Variants in TBX5 observed in about 807,000 individuals in gnomAD.
The protein encoded by TBX5 is T-box transcription factor 5, also known as T-box transcription factor TBX5.
A neutral mutation model predicts 51.1 loss-of-function variants in TBX5; 8 were observed. That is an observed-to-expected ratio of 0.16 (90% CI 0.09 to 0.28). The LOEUF is 0.28. TBX5 is among the 10% of genes least tolerant of loss of function. The pLI is 1.00. For missense variants in TBX5, 589 were observed against 671.7 expected (o/e 0.88, Z 1.36); for synonymous variants, 302 against 266.4 (o/e 1.13, Z -1.30).
chr12:114,394,695 A>T, intron 6 of TBX5, 46 bp downstream of exon 6: 1 of 1,613,416 alleles, frequency 6.2e-7, no homozygotes, highest in Non-Finnish European at 8.5e-7. Flanking sequence ...CATGCAAAAG[A>T]AAGAGCAGAC....
chr12:114,368,329 T>A (rs1869670424), intron 7 of TBX5, among the ~76,000 whole-genome samples: 1 of 150,500 alleles, frequency 6.6e-6, no homozygotes, highest in Admixed American at 6.6e-5. Flanking sequence ...AGTGAAACCC[T>A]GTCTCAATCA....
At chr12:114,395,096 G>A (rs1483632226) in intron 5 of TBX5, among the ~76,000 whole-genome samples, 1 of 152,114 alleles carries the variant, frequency 6.6e-6, no homozygotes, top group African/African-American at 2.4e-5. Context: ...GAAAAAGCCA[G>A]GGTAATATTC....
chr12:114,370,163 G>C (rs1281887819), intron 7 of TBX5, among the ~76,000 whole-genome samples: 2 of 151,418 alleles, frequency 1.3e-5, no homozygotes, highest in Admixed American at 1.3e-4. Flanking sequence ...CCTGGGAGGT[G>C]GAGGTTGCAA....
intron 7 of TBX5, among the ~76,000 whole-genome samples, chr12:114,382,626 C>T (rs867009604): frequency 6.6e-5 from 10 of 152,124 alleles, no homozygotes; most frequent in South Asian, 2.1e-4. Context: ...TGGTGAACTC[C>T]GTCTCTACTA....
chr12:114,390,000 T>C (rs1175680303), intron 6 of TBX5, among the ~76,000 whole-genome samples: 1 of 151,990 alleles, frequency 6.6e-6, no homozygotes, highest in Non-Finnish European at 1.5e-5. Context: ...TTTTATGTTA[T>C]CAGCAAAAAC....
upstream of TBX5, chr12:114,408,233 C>A: frequency 1.0e-6 from 1 of 984,562 alleles, no homozygotes; most frequent in African/African-American, 1.7e-5. Context: ...ACGTCTTGGC[C>A]CCGGGAATAA....
At chr12:114,362,923 C>T (rs1206098387) in intron 8 of TBX5, among the ~76,000 whole-genome samples, 1 of 152,206 alleles carries the variant, frequency 6.6e-6, no homozygotes, top group African/African-American at 2.4e-5. Context: ...CTCAGCCTCC[C>T]AAAATGCTGA....
chr12:114,375,351 G>A, intron 7 of TBX5, among the ~76,000 whole-genome samples: 1 of 152,080 alleles, frequency 6.6e-6, no homozygotes, highest in Non-Finnish European at 1.5e-5. Context: ...GTGAGACCTA[G>A]AAATCTTTTT....
chr12:114,363,344 A>G, intron 8 of TBX5, among the ~76,000 whole-genome samples: 1 of 152,218 alleles, frequency 6.6e-6, no homozygotes, highest in African/African-American at 2.4e-5. Flanking sequence ...CAAACAGTCC[A>G]TGAAAGTCAA....
intron 7 of TBX5, among the ~76,000 whole-genome samples, chr12:114,378,723 A>G (rs1354768725): frequency 2.0e-5 from 3 of 151,794 alleles, no homozygotes; most frequent in Non-Finnish European, 4.4e-5. Context: ...TGCAACCTCT[A>G]CCTCTGGGGT....
chr12:114,361,835 C>T (rs768271598), intron 8 of TBX5, among the ~76,000 whole-genome samples: 1 of 152,150 alleles, frequency 6.6e-6, no homozygotes, highest in Admixed American at 6.5e-5. Flanking sequence ...CTAGGCAGGA[C>T]AGAGAGCCCT....
At chr12:114,398,772 G>T in intron 4 of TBX5, 52 bp from the exon 5 acceptor site, 1 of 1,567,288 alleles carries the variant, frequency 6.4e-7, no homozygotes, top group Non-Finnish European at 8.7e-7. Flanking sequence ...TGGAGGTAGC[G>T]CACTGCACCG....
intron 6 of TBX5, 25 bp downstream of exon 6, chr12:114,394,716 A>C (rs1362719500): frequency 6.2e-7 from 1 of 1,613,854 alleles, no homozygotes; most frequent in African/African-American, 1.3e-5. Context: ...GGCCCCAGGC[A>C]CTGGTTCCTG....
intron 7 of TBX5, among the ~76,000 whole-genome samples, chr12:114,373,441 C>T (rs913546731): frequency 1.3e-5 from 2 of 152,148 alleles, no homozygotes; most frequent in Non-Finnish European, 2.9e-5. Context: ...CATAAAAGGA[C>T]AATTCAAGCT....
chr12:114,395,352 C>G (rs537418067), intron 5 of TBX5, among the ~76,000 whole-genome samples: 1 of 151,936 alleles, frequency 6.6e-6, no homozygotes, highest in South Asian at 2.1e-4. Flanking sequence ...CTAAGGGATG[C>G]AAGAGAAGAT....
chr12:114,370,231 C>CAGAAAAGAAA (rs71447929), intron 7 of TBX5, among the ~76,000 whole-genome samples: 3,560 of 77,172 alleles, frequency 0.046, 125 homozygotes, highest in Non-Finnish European at 0.056. Flanking sequence ...AACTCTGTCT[C>CAGAAAAGAAA]AGAAAAGAAA....
chr12:114,372,224 T>C (rs1300658940), intron 7 of TBX5, among the ~76,000 whole-genome samples: 1 of 152,188 alleles, frequency 6.6e-6, no homozygotes, highest in Non-Finnish European at 1.5e-5. Context: ...AAGCTACCCT[T>C]GTACTCTCTA....
chr12:114,362,492 C>T (rs1219759625), intron 8 of TBX5, among the ~76,000 whole-genome samples: 1 of 152,026 alleles, frequency 6.6e-6, no homozygotes, highest in Non-Finnish European at 1.5e-5. Flanking sequence ...TTCATGCATG[C>T]TTTCCTCTAT....
intron 6 of TBX5, among the ~76,000 whole-genome samples, chr12:114,392,623 G>A (rs528363301): frequency 1.3e-5 from 2 of 152,222 alleles, no homozygotes; most frequent in Admixed American, 1.3e-4. Context: ...CTTTCTTGGG[G>A]TAGAGGGGGA....
Sources: gnomAD v4.1 joint callset for allele counts (sites outside exome capture counted in the v4.1 genomes callset) on GRCh38, gnomAD v4.1.1 for gene constraint, MANE v1.5 for transcripts, NCBI Gene and HGNC (gene_info 2026-07-23, HGNC 2026-07-21) for gene names.